LDLRAD4: variants seen among roughly 807,000 people sequenced by gnomAD.
LDLRAD4 encodes low density lipoprotein receptor class A domain containing 4.
Under a neutral mutation model 17.0 loss-of-function variants are expected in LDLRAD4, and 5 were observed. That is an observed-to-expected ratio of 0.29 (90% CI 0.15 to 0.62). The LOEUF (loss-of-function observed/expected upper bound fraction) is 0.62, where lower values mean the gene tolerates loss of function less well. LDLRAD4 is among the 20% of genes least tolerant of loss of function. LDLRAD4 has a pLI of 0.84. For synonymous variants in LDLRAD4, 168 were observed against 171.8 expected, an observed-to-expected ratio of 0.98 and a Z score of 0.17; for missense variants, 340 against 424.7, an observed-to-expected ratio of 0.80 and a Z score of 1.75.
chr18:13,286,412 A>T (rs2045625233), intron 1 of LDLRAD4, among the ~76,000 whole-genome samples: 2 of 152,206 alleles, frequency 1.3e-5, no homozygotes, highest in Non-Finnish European at 2.9e-5. Context: ...TTGCTTTGCC[A>T]CCCAGGCTGG....
intron 1 of LDLRAD4, among the ~76,000 whole-genome samples, chr18:13,329,386 G>T (rs973214541): frequency 6.6e-6 from 1 of 152,094 alleles, no homozygotes; most frequent in African/African-American, 2.4e-5. Flanking sequence ...ATTTTAATTT[G>T]CATTTATTTT....
chr18:13,438,487 G>A (rs2090815978), intron 3 of LDLRAD4, 103 bp downstream of exon 4: 1 of 896,178 alleles, frequency 1.1e-6, no homozygotes, highest in African/African-American at 1.7e-5. Flanking sequence ...TTCTGGTTAA[G>A]GAAAGAGATT....
intron 1 of LDLRAD4, among the ~76,000 whole-genome samples, chr18:13,363,427 C>A (rs530203193): frequency 5.9e-5 from 9 of 151,372 alleles, no homozygotes; most frequent in South Asian, 4.2e-4. Context: ...CAGGCTGCGC[C>A]GGGGAAAGGG....
intron 3 of LDLRAD4, among the ~76,000 whole-genome samples, chr18:13,561,064 A>AT (rs5823259): frequency 0.99 from 150,884 of 152,322 alleles, 74,749 homozygotes; most frequent in East Asian, 1. Flanking sequence ...TTGGCTTATG[A>AT]TGTGTCACTT....
chr18:13,516,691 A>G (rs1314810523), intron 3 of LDLRAD4, among the ~76,000 whole-genome samples: 1 of 152,170 alleles, frequency 6.6e-6, no homozygotes, highest in Non-Finnish European at 1.5e-5. Flanking sequence ...AATTCTGTAT[A>G]AGGTCATATA....
At chr18:13,448,669 A>G (rs1006693045) in intron 3 of LDLRAD4, among the ~76,000 whole-genome samples, 7 of 152,058 alleles carry the variant, frequency 4.6e-5, no homozygotes, top group African/African-American at 1.7e-4. Context: ...GGGACCACCG[A>G]TAAGGCGGGA....
intron 3 of LDLRAD4, among the ~76,000 whole-genome samples, chr18:13,589,202 G>T (rs1037547193): frequency 4.6e-5 from 7 of 152,142 alleles, no homozygotes; most frequent in Admixed American, 3.9e-4. Flanking sequence ...CTGAAGTGCT[G>T]GAATTACAGA....
At chr18:13,357,499 G>C (rs897410157) in intron 1 of LDLRAD4, among the ~76,000 whole-genome samples, 2 of 152,100 alleles carry the variant, frequency 1.3e-5, no homozygotes, top group African/African-American at 4.8e-5. Context: ...GCTGACTGCA[G>C]ACTTGTGGTA....
intron 1 of LDLRAD4, among the ~76,000 whole-genome samples, chr18:13,248,290 A>G (rs894767827): frequency 6.6e-6 from 1 of 152,232 alleles, no homozygotes; most frequent in Non-Finnish European, 1.5e-5. Flanking sequence ...CTGTGATTGT[A>G]AGAGCTGGAC....
chr18:13,638,869 T>C (rs2042292734), intron 4 of LDLRAD4, among the ~76,000 whole-genome samples: 1 of 152,126 alleles, frequency 6.6e-6, no homozygotes, highest in African/African-American at 2.4e-5. Context: ...CAGTATCTGT[T>C]GGACATGTGC....
At chr18:13,482,370 A>T (rs2093112849) in intron 3 of LDLRAD4, among the ~76,000 whole-genome samples, 1 of 152,218 alleles carries the variant, frequency 6.6e-6, no homozygotes, top group South Asian at 2.1e-4. Context: ...CCATGTGCTT[A>T]TTCTGTGCAA....
chr18:13,232,023 G>A (rs1386087666), intron 1 of LDLRAD4, among the ~76,000 whole-genome samples: 1 of 152,218 alleles, frequency 6.6e-6, no homozygotes, highest in Non-Finnish European at 1.5e-5. Context: ...GTCATTTTGG[G>A]AGGTCAAGGG....
chr18:13,394,296 C>A (rs2086492526), intron 2 of LDLRAD4, among the ~76,000 whole-genome samples: 1 of 152,086 alleles, frequency 6.6e-6, no homozygotes, highest in African/African-American at 2.4e-5. Flanking sequence ...TATACTGTTT[C>A]AAGATAATCA....
intron 3 of LDLRAD4, among the ~76,000 whole-genome samples, chr18:13,576,764 A>T (rs2094779170): frequency 6.6e-6 from 1 of 152,172 alleles, no homozygotes; most frequent in Non-Finnish European, 1.5e-5. Flanking sequence ...CATCCTTCCC[A>T]GCTGTAGCAG....
At chr18:13,477,937 T>C (rs1300342795) in intron 3 of LDLRAD4, among the ~76,000 whole-genome samples, 1 of 152,190 alleles carries the variant, frequency 6.6e-6, no homozygotes, top group East Asian at 1.9e-4. Flanking sequence ...GCTCGGATAA[T>C]GCATCTCAGA....
chr18:13,490,982 C>T (rs2093346625), intron 3 of LDLRAD4, among the ~76,000 whole-genome samples: 1 of 152,190 alleles, frequency 6.6e-6, no homozygotes, highest in Non-Finnish European at 1.5e-5. Context: ...AAATTAACCT[C>T]AGAGTGAATC....
At chr18:13,574,381 T>C (rs950244647) in intron 3 of LDLRAD4, among the ~76,000 whole-genome samples, 2 of 152,124 alleles carry the variant, frequency 1.3e-5, no homozygotes, top group East Asian at 3.8e-4. Context: ...CAGTGTGCCG[T>C]CCAGACCCCT....
In LDLRAD4 at chr18:13,621,100, C is replaced by G; in HGVS notation, c.182-17C>G. 6.2e-7 allele frequency: 1 copy of G among 1,614,180 alleles called. No individual in the cohort carries two copies. Among genetic ancestry groups the G allele is most frequent in the Non-Finnish European group, 8.5e-7 (1 of 1,180,034 alleles). ...TGGAGGGGCCAGGTGGCTAACCACTCTCCTCTTCCATGGCAGCGGAGCTGG... is the reference window on the plus strand; with the variant it reads ...TGGAGGGGCCAGGTGGCTAACCACTGTCCTCTTCCATGGCAGCGGAGCTGG... On this transcript the variant is annotated splice_polypyrimidine_tract_variant and intron_variant, in intron 3 of 5. Transcript: ENST00000359446. The surrounding 1 kb of genome is among the most constrained non-coding windows in gnomAD (Gnocchi z 5.5).
intron 1 of LDLRAD4, among the ~76,000 whole-genome samples, chr18:13,255,300 T>C (rs1215090112): frequency 6.6e-6 from 1 of 151,878 alleles, no homozygotes; most frequent in Non-Finnish European, 1.5e-5. Flanking sequence ...AGGCAGACAA[T>C]GGAAAGGCTC....
Sources: allele counts gnomAD v4.1 joint callset (sites outside exome capture counted in the v4.1 genomes callset), GRCh38; gene constraint gnomAD v4.1.1; non-coding constraint Gnocchi (gnomAD v3.1); transcripts MANE v1.5; gene names NCBI Gene and HGNC (gene_info 2026-07-23, HGNC 2026-07-21).